The following RALYL variants were observed in gnomAD, a reference collection of about 807,000 sequenced individuals.
RALYL encodes the protein RNA-binding Raly-like protein.
Under a neutral mutation model 35.1 loss-of-function variants are expected in RALYL, and 29 were observed. The ratio of observed to expected loss-of-function variants is 0.83; its 90% CI spans 0.61 to 1.13. The LOEUF (loss-of-function observed/expected upper bound fraction) is 1.13, where lower values mean the gene tolerates loss of function less well. Among genes scored for constraint, RALYL ranks in the 50% most tolerant of loss-of-function variants. The pLI is 0.00. For synonymous variants in RALYL, 120 were observed against 127.6 expected (o/e 0.94, Z 0.40); for missense variants, 359 against 360.4 (o/e 1.00, Z 0.03).
intron 8 of RALYL, among the ~76,000 whole-genome samples, chr8:84,910,482 T>C (rs1486404555): frequency 6.6e-6 from 1 of 152,094 alleles, no homozygotes; most frequent in Non-Finnish European, 1.5e-5. Flanking sequence ...TCATATGTTA[T>C]TATGTCTAAA....
At chr8:84,242,142 G>A (rs1217989884) in intron 1 of RALYL, among the ~76,000 whole-genome samples, 1 of 152,126 alleles carries the variant, frequency 6.6e-6, no homozygotes, top group Non-Finnish European at 1.5e-5. Flanking sequence ...TGAAGATAAT[G>A]GCTTCCAGTT....
At chr8:84,340,314 CACTT>C (rs1016756144) in intron 1 of RALYL, among the ~76,000 whole-genome samples, 1 of 152,066 alleles carries the variant, frequency 6.6e-6, no homozygotes, top group Non-Finnish European at 1.5e-5. Flanking sequence ...AAGATCTACT[CACTT>C]GATTTTTAAG....
intron 1 of RALYL, among the ~76,000 whole-genome samples, chr8:84,501,637 A>C (rs2134224627): frequency 6.6e-6 from 1 of 152,044 alleles, no homozygotes; most frequent in Admixed American, 6.6e-5. Flanking sequence ...TGAGTGTTCA[A>C]GAAATTTAGA....
intron 7 of RALYL, among the ~76,000 whole-genome samples, chr8:84,886,782 T>C (rs1013743728): frequency 6.6e-6 from 1 of 152,214 alleles, no homozygotes; most frequent in Non-Finnish European, 1.5e-5. Context: ...ATTCTAGTAA[T>C]GTGGAGTGTA....
chr8:84,353,998 C>T (rs1851388295), intron 1 of RALYL, among the ~76,000 whole-genome samples: 1 of 149,618 alleles, frequency 6.7e-6, no homozygotes, highest in African/African-American at 2.5e-5. Context: ...CAATGACTCA[C>T]AGTGACAAAG....
intron 2 of RALYL, among the ~76,000 whole-genome samples, chr8:84,751,259 G>A (rs1318915979): frequency 6.6e-6 from 1 of 152,006 alleles, no homozygotes; most frequent in African/African-American, 2.4e-5. Context: ...CCAGGCTAGG[G>A]TGCAGTGGCA....
intron 1 of RALYL, among the ~76,000 whole-genome samples, chr8:84,339,191 T>G (rs2130851409): frequency 6.6e-6 from 1 of 151,646 alleles, no homozygotes; most frequent in Middle Eastern, 3.4e-3. Flanking sequence ...ACCAAGAGAC[T>G]GCATGTAACC....
intron 2 of RALYL, among the ~76,000 whole-genome samples, chr8:84,771,949 G>C (rs544198999): frequency 6.6e-6 from 1 of 151,978 alleles, no homozygotes; most frequent in African/African-American, 2.4e-5. Context: ...AGCTCAAAAA[G>C]ATATTCTATT....
chr8:84,502,209 T>A (rs1216734053), intron 1 of RALYL, among the ~76,000 whole-genome samples: 2 of 151,982 alleles, frequency 1.3e-5, no homozygotes, highest in East Asian at 3.9e-4. Flanking sequence ...ATTAGCATAA[T>A]CTTTACATAT....
chr8:84,384,108 A>T (rs1318127548), intron 1 of RALYL, among the ~76,000 whole-genome samples: 1 of 151,764 alleles, frequency 6.6e-6, no homozygotes, highest in Non-Finnish European at 1.5e-5. Context: ...AAAATATTTT[A>T]TAATGCCTTT....
chr8:84,583,943 A>G (rs965537333), intron 2 of RALYL, among the ~76,000 whole-genome samples: 7 of 150,128 alleles, frequency 4.7e-5, no homozygotes, highest in Non-Finnish European at 9.0e-5. Context: ...ATGATAGTGG[A>G]ATATTTTTAA....
At chr8:84,726,979 G>T (rs1386654874) in intron 2 of RALYL, among the ~76,000 whole-genome samples, 1 of 151,920 alleles carries the variant, frequency 6.6e-6, no homozygotes, top group Admixed American at 6.6e-5. Flanking sequence ...TTGAAGGATG[G>T]GTAGACTATC....
intron 2 of RALYL, among the ~76,000 whole-genome samples, chr8:84,635,530 A>C (rs934115101): frequency 1.3e-5 from 2 of 151,772 alleles, no homozygotes; most frequent in Non-Finnish European, 2.9e-5. Context: ...TAGCAACTTC[A>C]GTTCTACTGA....
At chr8:84,242,231 T>C (rs1828088821) in intron 1 of RALYL, among the ~76,000 whole-genome samples, 1 of 152,178 alleles carries the variant, frequency 6.6e-6, no homozygotes, top group African/African-American at 2.4e-5. Context: ...ATGTACCACA[T>C]TTTCTTTATC....
At chr8:84,198,261 T>C (rs1242673899) in intron 1 of RALYL, among the ~76,000 whole-genome samples, 1 of 152,238 alleles carries the variant, frequency 6.6e-6, no homozygotes, top group Non-Finnish European at 1.5e-5. Flanking sequence ...TAACAGTTAT[T>C]CTACATTTGT....
chr8:84,202,063 G>C (rs1816968350), intron 1 of RALYL, among the ~76,000 whole-genome samples: 1 of 151,494 alleles, frequency 6.6e-6, no homozygotes, highest in African/African-American at 2.4e-5. Flanking sequence ...TATTTTAGTT[G>C]GTTCTTTTTT....
At chr8:84,455,779 A>G (rs2050069629) in intron 1 of RALYL, among the ~76,000 whole-genome samples, 2 of 152,072 alleles carry the variant, frequency 1.3e-5, no homozygotes, top group Non-Finnish European at 2.9e-5. Context: ...GTCCATTTCT[A>G]TATACATTTC....
intron 2 of RALYL, among the ~76,000 whole-genome samples, chr8:84,563,478 C>T (rs767588304): frequency 1.1e-4 from 16 of 151,736 alleles, no homozygotes; most frequent in Admixed American, 2.6e-4. Context: ...AGTACAGTCT[C>T]TTCTTAGAGT....
At chr8:84,281,204 T>G (rs1341747403) in intron 1 of RALYL, among the ~76,000 whole-genome samples, 1 of 152,194 alleles carries the variant, frequency 6.6e-6, no homozygotes, top group African/African-American at 2.4e-5. Flanking sequence ...AGCAATTTCC[T>G]AAAATCACTT....
Sources: gnomAD v4.1 joint callset for allele counts (sites outside exome capture counted in the v4.1 genomes callset) on GRCh38, gnomAD v4.1.1 for gene constraint, MANE v1.5 for transcripts, NCBI Gene and HGNC (gene_info 2026-07-23, HGNC 2026-07-21) for gene names.